The following SH3KBP1 variants were observed in gnomAD, a reference collection of about 807,000 sequenced individuals.
The protein encoded by SH3KBP1 is SH3 domain-containing kinase-binding protein 1.
SH3KBP1 carries 8 observed loss-of-function variants against 50.1 expected under a neutral mutation model. That is an observed-to-expected ratio of 0.16 (90% CI 0.09 to 0.29). The LOEUF (loss-of-function observed/expected upper bound fraction) is 0.29. Ranked by LOEUF, SH3KBP1 falls within the 10% of genes least tolerant of loss-of-function variation. The probability of loss-of-function intolerance (pLI) is 1.00; values close to 1 mark genes in which losing one functional copy is unlikely to be tolerated. For synonymous variants in SH3KBP1, 227 were observed against 218.6 expected (o/e 1.04, Z -0.34); for missense variants, 377 against 535.2 (o/e 0.70, Z 2.92).
intron 1 of SH3KBP1, among the ~76,000 whole-genome samples, chrX:19,882,807 A>G (rs2069477593): frequency 9.0e-6 from 1 of 111,564 alleles, no homozygotes. Context: ...CCTGTGTGAT[A>G]CTCTGGTAAA....
In SH3KBP1 at chrX:19,747,784, A is replaced by T; in HGVS notation, c.163-1343T>A. The T allele has an allele frequency of 1.5e-5, 5 of 323,092 alleles. No homozygotes were observed. In the Admixed American group the frequency reaches 1.6e-4, roughly 10 times the overall value. 26.6% of individuals were successfully genotyped at this position (323,092 alleles called of 1,213,427 possible). The stretch of plus-strand genomic sequence containing the variant: ...GGCGCTTTGCTAGGTTGAGTGTTTC[A>T]ACTGGCGTCCCAGAGGCCTAACTAG... On this transcript the variant is annotated intron_variant, in intron 2 of 17. Transcript: ENST00000397821.
At chrX:19,783,190 C>T (rs1310123193) in intron 2 of SH3KBP1, among the ~76,000 whole-genome samples, 5 of 112,177 alleles carry the variant, frequency 4.5e-5, no homozygotes, top group Admixed American at 9.4e-5. Context: ...TTTCTCGTTG[C>T]AAACCACACT....
intron 6 of SH3KBP1, among the ~76,000 whole-genome samples, chrX:19,669,902 T>C (rs769272371): frequency 1.8e-5 from 2 of 110,779 alleles, no homozygotes; most frequent in East Asian, 5.6e-4. Flanking sequence ...TTTTTTTTTT[T>C]TGTAATTTTG....
At chrX:19,614,284 C>T (rs189504286) in intron 8 of SH3KBP1, among the ~76,000 whole-genome samples, 1 of 112,838 alleles carries the variant, frequency 8.9e-6, no homozygotes, top group Non-Finnish European at 1.9e-5. Flanking sequence ...CAGCTGAGAG[C>T]GACTCCCTGA....
At chrX:19,802,875 A>G (rs2066932847) in intron 2 of SH3KBP1, among the ~76,000 whole-genome samples, 1 of 111,458 alleles carries the variant, frequency 9.0e-6, no homozygotes, top group Admixed American at 9.5e-5. Flanking sequence ...CACTCAACAG[A>G]TGCCCACTGG....
At chrX:19,583,298 C>A (rs1029384088) in intron 12 of SH3KBP1, among the ~76,000 whole-genome samples, 43 of 108,729 alleles carry the variant, frequency 4.0e-4, no homozygotes, top group Non-Finnish European at 7.3e-4. Context: ...GGATTACAGG[C>A]ACCCGCCACC....
chrX:19,692,682 T>G lies in SH3KBP1; in HGVS notation c.520+2930A>C, dbSNP rs111489639. ...GTGTGTGTGTGTGTATGTATATATA[T>G]ATATATATTTTTTTTTTTTTTTAAT... On this transcript the variant is annotated intron_variant, in intron 5 of 17. Coordinates refer to ENST00000397821, the MANE Select transcript of SH3KBP1 (RefSeq NM_031892.3). Among the ~76,000 whole-genome samples, 3 of 94,918 alleles carry G rather than the reference T, an allele frequency of 3.2e-5. No individual in the cohort carries two copies. The South Asian group carries it at 1.4e-3, about 44-fold the overall frequency. The allele number at this position is 94,918 out of a possible 115,157, so 82.4% of individuals were successfully genotyped here.
intron 16 of SH3KBP1, among the ~76,000 whole-genome samples, chrX:19,539,725 A>G (rs772071815): frequency 8.9e-6 from 1 of 111,789 alleles, no homozygotes; most frequent in African/African-American, 3.3e-5. Flanking sequence ...GCTGGTGTGG[A>G]CTTGAGTTGA....
intron 2 of SH3KBP1, among the ~76,000 whole-genome samples, chrX:19,833,970 G>C (rs1485597935): frequency 9.0e-6 from 1 of 111,321 alleles, no homozygotes; most frequent in Non-Finnish European, 1.9e-5. Flanking sequence ...ATGGGAGCGA[G>C]CGGCTGGATT....
At position 19,695,431 on chromosome X, in the gene SH3KBP1, G is replaced by A. The variant is rs192891724; in HGVS notation, c.520+181C>T. Among the ~76,000 whole-genome samples the A allele has an allele frequency of 2.5e-3, 282 of 111,298 alleles. 3 individuals carry two copies. Among genetic ancestry groups the A allele is most frequent in the African/African-American group, 8.7e-3 (266 of 30,615 alleles). ...AGAGACATACAGAATGTGTGGCTAC[G>A]GGTCACACCTTTATAGGGATCAACT... On this transcript the variant is annotated intron_variant, in intron 5 of 17. Transcript: ENST00000397821.
chrX:19,727,411 T>C (rs1015143359), intron 3 of SH3KBP1, among the ~76,000 whole-genome samples: 2 of 112,634 alleles, frequency 1.8e-5, no homozygotes, highest in African/African-American at 6.5e-5. Context: ...TGGAATCATA[T>C]AGTATTTGTC....
At chrX:19,544,195 C>T (rs1288361054) in intron 15 of SH3KBP1, among the ~76,000 whole-genome samples, 1 of 110,908 alleles carries the variant, frequency 9.0e-6, no homozygotes, top group Non-Finnish European at 1.9e-5. Flanking sequence ...GCCAAGTTAC[C>T]ATTGAGGAAA....
chrX:19,740,081 G>A (rs1009473315), intron 3 of SH3KBP1, among the ~76,000 whole-genome samples: 2 of 111,194 alleles, frequency 1.8e-5, no homozygotes, highest in African/African-American at 6.6e-5. Context: ...ATCGCAACAT[G>A]ATGGCTATAC....
At chrX:19,737,100 A>C (rs2064608199) in intron 3 of SH3KBP1, among the ~76,000 whole-genome samples, 1 of 109,997 alleles carries the variant, frequency 9.1e-6, no homozygotes, top group African/African-American at 3.3e-5. Flanking sequence ...AGAGACTATA[A>C]AACATCTCAC....
At position 19,718,106 on chromosome X, in the gene SH3KBP1, G is replaced by A. The variant is rs752563662; in HGVS notation, c.287-11122C>T. 8.8e-5 allele frequency among the ~76,000 whole-genome samples: 9 copies of A among 101,869 alleles called. No homozygotes were observed. The South Asian group carries it at 2.7e-3, about 30-fold the overall frequency. 88.5% of individuals were successfully genotyped at this position (101,869 alleles called of 115,157 possible). A position where few individuals can be genotyped will look rare whatever the true frequency, so the allele number is the denominator to read the frequency against. On this transcript the variant is annotated intron_variant, in intron 3 of 17. Transcript: ENST00000397821. The stretch of plus-strand genomic sequence containing the variant: ...ATAGTACACTAAAAGACTAAATCAC[G>A]TAATATGTATACTATGATCCCAATT...
chrX:19,860,547 T>A (rs905817855), intron 1 of SH3KBP1, among the ~76,000 whole-genome samples: 3 of 111,769 alleles, frequency 2.7e-5, no homozygotes, highest in African/African-American at 9.8e-5. Context: ...AGATAATGGT[T>A]ACACAACCTT....
chrX:19,821,906 T>G (rs186149041), intron 2 of SH3KBP1, among the ~76,000 whole-genome samples: 9 of 112,793 alleles, frequency 8.0e-5, no homozygotes, highest in African/African-American at 2.9e-4. Flanking sequence ...CATCTGAGAA[T>G]GTTTTCATTT....
At chrX:19,799,265 C>G (rs754321170) in intron 2 of SH3KBP1, among the ~76,000 whole-genome samples, 3 of 111,534 alleles carry the variant, frequency 2.7e-5, no homozygotes, top group East Asian at 5.6e-4. Flanking sequence ...TTGAATGCAG[C>G]TATCTGTGTG....
intron 6 of SH3KBP1, among the ~76,000 whole-genome samples, chrX:19,665,011 T>C (rs2062560726): frequency 8.9e-6 from 1 of 112,071 alleles, no homozygotes; most frequent in African/African-American, 3.2e-5. Context: ...ACTTTTTACA[T>C]CACTACTCCT....
Sources: allele counts gnomAD v4.1 joint callset (sites outside exome capture counted in the v4.1 genomes callset), GRCh38; gene constraint gnomAD v4.1.1; transcripts MANE v1.5; gene names NCBI Gene and HGNC (gene_info 2026-07-23, HGNC 2026-07-21).